TSHZ2: variants seen among roughly 807,000 people sequenced by gnomAD.
TSHZ2 encodes teashirt zinc finger homeobox 2.
Under a neutral mutation model 74.4 loss-of-function variants are expected in TSHZ2, and 21 were observed. The ratio of observed to expected loss-of-function variants is 0.28; its 90% CI spans 0.20 to 0.41. TSHZ2 has a LOEUF of 0.41. TSHZ2 is among the 10% of genes least tolerant of loss of function. TSHZ2 has a pLI of 1.00. For missense variants in TSHZ2, 1,244 were observed against 1,293.5 expected (o/e 0.96, Z 0.59); for synonymous variants, 540 against 515.3 (o/e 1.05, Z -0.65).
chr20:53,368,237 C>T (rs759666033), intron 2 of TSHZ2, among the ~76,000 whole-genome samples: 22 of 151,486 alleles, frequency 1.5e-4, no homozygotes, highest in Non-Finnish European at 2.9e-4. Flanking sequence ...TTACACAGAA[C>T]GATCACTGCT....
At chr20:53,073,033 T>TCCATCCATCCCTCCCTCCATCCATCCCTC (rs1600676612) in intron 1 of TSHZ2, among the ~76,000 whole-genome samples, 9 of 65,006 alleles carry the variant, frequency 1.4e-4, no homozygotes, top group Admixed American at 3.7e-4. Context: ...ATCCATCCCT[T>TCCATCCATCCCTCCCTCCATCCATCCCTC]CCTCCATCCA....
chr20:53,395,387 G>A (rs1356368016), intron 2 of TSHZ2, among the ~76,000 whole-genome samples: 1 of 152,226 alleles, frequency 6.6e-6, no homozygotes, highest in African/African-American at 2.4e-5. Flanking sequence ...TGTGTTCAAG[G>A]AGCCTGCATC....
At chr20:52,977,244 T>C (rs1234666318) in intron 1 of TSHZ2, among the ~76,000 whole-genome samples, 2 of 152,138 alleles carry the variant, frequency 1.3e-5, no homozygotes, top group Admixed American at 1.3e-4. Context: ...TTTAATTTAC[T>C]GTCAAGTGGG....
At chr20:53,257,591 A>G (rs1478722193) in intron 2 of TSHZ2, among the ~76,000 whole-genome samples, 2 of 152,112 alleles carry the variant, frequency 1.3e-5, no homozygotes, top group Non-Finnish European at 2.9e-5. Context: ...GTCTTAACCA[A>G]TCTCTTTCAT....
intron 2 of TSHZ2, among the ~76,000 whole-genome samples, chr20:53,353,750 A>G (rs578134271): frequency 2.0e-5 from 3 of 152,372 alleles, no homozygotes; most frequent in Non-Finnish European, 4.4e-5. Flanking sequence ...TAACTATGTC[A>G]TTCAGTTTAT....
chr20:53,092,907 C>A (rs1985927500), intron 1 of TSHZ2, among the ~76,000 whole-genome samples: 1 of 152,194 alleles, frequency 6.6e-6, no homozygotes, highest in East Asian at 1.9e-4. Flanking sequence ...ACCTACTCAG[C>A]TGGAAAGCAG....
At chr20:53,197,126 C>A (rs147681962) in intron 1 of TSHZ2, among the ~76,000 whole-genome samples, 1 of 152,308 alleles carries the variant, frequency 6.6e-6, no homozygotes, top group African/African-American at 2.4e-5. Flanking sequence ...GTTGTATATA[C>A]TTTTAGCAGT....
chr20:53,007,664 C>T (rs1982692887), intron 1 of TSHZ2, among the ~76,000 whole-genome samples: 1 of 150,034 alleles, frequency 6.7e-6, no homozygotes, highest in South Asian at 2.1e-4. Context: ...TATGTATACT[C>T]ATGCGTGTAT....
intron 2 of TSHZ2, among the ~76,000 whole-genome samples, chr20:53,370,834 G>A (rs1239928175): frequency 6.6e-6 from 1 of 152,170 alleles, no homozygotes; most frequent in Non-Finnish European, 1.5e-5. Flanking sequence ...GGGATGGCAC[G>A]TTCATTTCCT....
chr20:53,375,286 C>A (rs1981621359), intron 2 of TSHZ2, among the ~76,000 whole-genome samples: 1 of 152,158 alleles, frequency 6.6e-6, no homozygotes, highest in Non-Finnish European at 1.5e-5. Flanking sequence ...TATCTGCATG[C>A]ATATGAAAAT....
At chr20:53,106,183 C>A (rs1173533584) in intron 1 of TSHZ2, among the ~76,000 whole-genome samples, 2 of 151,940 alleles carry the variant, frequency 1.3e-5, no homozygotes, top group African/African-American at 4.8e-5. Context: ...AACACCAGAA[C>A]TTTTTTCTCC....
intron 2 of TSHZ2, among the ~76,000 whole-genome samples, chr20:53,460,242 G>T (rs1197593151): frequency 1.3e-5 from 2 of 151,974 alleles, no homozygotes; most frequent in Admixed American, 6.6e-5. Flanking sequence ...ATTTCTTGGA[G>T]GCTGTGCTCA....
chr20:53,016,857 A>G (rs1344949724), intron 1 of TSHZ2, among the ~76,000 whole-genome samples: 1 of 152,170 alleles, frequency 6.6e-6, no homozygotes, highest in Non-Finnish European at 1.5e-5. Flanking sequence ...TGCATAATAC[A>G]CAACCCCCAA....
At chr20:53,438,960 C>CT (rs1984206698) in intron 2 of TSHZ2, among the ~76,000 whole-genome samples, 1 of 151,824 alleles carries the variant, frequency 6.6e-6, no homozygotes, top group African/African-American at 2.4e-5. Flanking sequence ...AACTCCATCT[C>CT]TAAAAAAAAA....
intron 1 of TSHZ2, among the ~76,000 whole-genome samples, chr20:53,235,799 G>T (rs1157732994): frequency 6.6e-6 from 1 of 152,162 alleles, no homozygotes; most frequent in Non-Finnish European, 1.5e-5. Context: ...TTGGTGAGGT[G>T]CCCAGGATTT....
intron 1 of TSHZ2, among the ~76,000 whole-genome samples, chr20:53,167,573 GTGTGTGTGTGTT>G (rs1988092249): frequency 1.3e-5 from 2 of 152,202 alleles, no homozygotes; most frequent in Admixed American, 6.5e-5. Context: ...TTGTTTGTGT[GTGTGTGTGTGTT>G]TGTGTGTGTG....
At chr20:53,481,326 C>G (rs1986143457) in intron 2 of TSHZ2, among the ~76,000 whole-genome samples, 1 of 152,098 alleles carries the variant, frequency 6.6e-6, no homozygotes, top group Non-Finnish European at 1.5e-5. Flanking sequence ...AATCCCAACA[C>G]TTTGGGAGGT....
intron 1 of TSHZ2, among the ~76,000 whole-genome samples, chr20:53,223,410 G>T (rs976256640): frequency 3.9e-5 from 6 of 151,976 alleles, no homozygotes; most frequent in African/African-American, 1.5e-4. Flanking sequence ...TTATTTATTT[G>T]AGACGGGGTC....
chr20:53,055,591 C>T (rs538705949), intron 1 of TSHZ2, among the ~76,000 whole-genome samples: 1 of 152,102 alleles, frequency 6.6e-6, no homozygotes, highest in Admixed American at 6.6e-5. Flanking sequence ...TTTTACTCCT[C>T]CTCTCGTTGG....
Sources: allele counts gnomAD v4.1 joint callset (sites outside exome capture counted in the v4.1 genomes callset), GRCh38; gene constraint gnomAD v4.1.1; transcripts MANE v1.5; gene names NCBI Gene and HGNC (gene_info 2026-07-23, HGNC 2026-07-21).